Variants in PTBP1 observed in about 807,000 individuals in gnomAD.
PTBP1 encodes polypyrimidine tract binding protein 1.
Under a neutral mutation model 59.8 loss-of-function variants are expected in PTBP1, and 8 were observed. The observed-to-expected ratio is 0.13, with a 90% confidence interval of 0.08 to 0.24. The LOEUF (loss-of-function observed/expected upper bound fraction) is 0.24. Ranked by LOEUF, PTBP1 falls within the 10% of genes least tolerant of loss-of-function variation. The pLI is 1.00. For missense variants in PTBP1, 686 were observed against 767.0 expected (o/e 0.89, Z 1.25); for synonymous variants, 490 against 320.7 (o/e 1.53, Z -5.64).
chr19:798,098 C>T (rs1365237729), intron 1 of PTBP1, among the ~76,000 whole-genome samples: 3 of 151,814 alleles, frequency 2.0e-5, no homozygotes, highest in Admixed American at 6.6e-5. Context: ...CCCGCCCTAC[C>T]CCTGCCCCCC....
intron 13 of PTBP1, among the ~76,000 whole-genome samples, chr19:809,041 C>G (rs568813183): frequency 6.6e-6 from 1 of 152,156 alleles, no homozygotes; most frequent in Non-Finnish European, 1.5e-5. Context: ...CGAAGTCTTG[C>G]TTTGTCACCC....
Position 805,165 on chromosome 19 carries a change from C to T in PTBP1, c.870C>T (p.Asp290=), listed in dbSNP as rs766217559. The T allele has an allele frequency of 6.2e-7, 1 of 1,613,586 alleles. No homozygotes were observed. Among genetic ancestry groups the T allele is most frequent in the Non-Finnish European group, 8.5e-7 (1 of 1,179,858 alleles). ...CCGGGGACAGCCAGCCCTCGCTGGA[C>T]CAGACCATGGCCGCGGCCTTCGGTA... is the stretch of plus-strand genomic sequence containing the variant. The part of the protein sequence containing the change: ...LPSGDSQPSL[D]QTMAAAFGAP... The change falls in exon 8 of 15, where the codon GAC becomes GAT. Residue 290 remains aspartate (D), a synonymous_variant. Coordinates refer to ENST00000356948, the MANE Select transcript of PTBP1 (RefSeq NM_002819.5).
At position 798,914 on chromosome 19, in the gene PTBP1, C is replaced by G. The variant is rs906752500; in HGVS notation, c.9-499C>G. ...TTTTATTGACGGTTTCCACGGCCGCCTCCTGCTCTCCTCGGTGGATCGGGC... is the reference window on the plus strand; with the variant it reads ...TTTTATTGACGGTTTCCACGGCCGCGTCCTGCTCTCCTCGGTGGATCGGGC... On this transcript the variant is annotated intron_variant, in intron 1 of 14. Transcript: ENST00000356948. 2.0e-5 allele frequency among the ~76,000 whole-genome samples: 3 copies of G among 152,254 alleles called. No homozygotes were observed. The South Asian group carries it at 6.2e-4, about 31-fold the overall frequency.
intron 10 of PTBP1, 198 bp from the exon 11 acceptor site, chr19:807,671 A>T: frequency 2.0e-6 from 1 of 509,102 alleles, no homozygotes; most frequent in Non-Finnish European, 3.5e-6. Context: ...AACAAATAAA[A>T]AACAAAAATT....
intron 3 of PTBP1, 95 bp from the exon 4 acceptor site, chr19:803,941 C>A: frequency 6.8e-7 from 1 of 1,462,168 alleles, no homozygotes; most frequent in Non-Finnish European, 9.4e-7. Flanking sequence ...CAGGGTTGGT[C>A]TCCGTAGCAG....
intron 3 of PTBP1, 42 bp downstream of exon 3, chr19:803,678 T>C: frequency 6.5e-7 from 1 of 1,540,412 alleles, no homozygotes. Flanking sequence ...CGTGGGTGTC[T>C]TTCCCTGGAA....
chr19:806,296 C>A (rs1231612784), intron 9 of PTBP1, 112 bp from the exon 10 acceptor site: 1 of 1,250,610 alleles, frequency 8.0e-7, no homozygotes, highest in African/African-American at 1.6e-5. Context: ...GAGCCAGGGC[C>A]GCCTCCCGCG....
intron 1 of PTBP1, 73 bp from the exon 2 acceptor site, chr19:799,340 C>T (rs1368449455): frequency 1.4e-6 from 2 of 1,444,872 alleles, no homozygotes; most frequent in Admixed American, 1.7e-5. Flanking sequence ...CTCTCCTGGC[C>T]CGGGGACAGC....
rs372331400 is a variant in PTBP1, at chr19:804,888, C to T, written c.666C>T (p.Phe222=). The part of the protein sequence containing the change: ...KIITFTKNNQ[F]QALLQYADPV... The stretch of plus-strand genomic sequence containing the variant: ...TCACCTTCACCAAGAACAACCAGTT[C>T]CAGGCCCTGCTGCAGTATGCGGACC... Residue 222 remains phenylalanine (F), a synonymous_variant, in exon 7 of 15, where the codon TTC becomes TTT. Coordinates refer to ENST00000356948, the MANE Select transcript of PTBP1 (RefSeq NM_002819.5). 6.2e-7 allele frequency: 1 copy of T among 1,613,996 alleles called. No homozygotes were observed. Among genetic ancestry groups the T allele is most frequent in the Non-Finnish European group, 8.5e-7 (1 of 1,179,916 alleles).
intron 1 of PTBP1, among the ~76,000 whole-genome samples, chr19:797,803 TG>T (rs1428719300): frequency 6.8e-6 from 1 of 148,078 alleles, no homozygotes; most frequent in African/African-American, 2.4e-5. Context: ...ACTTCGCCTT[TG>T]CCCCGCCTCG....
chr19:802,221 G>A (rs1255298671), intron 2 of PTBP1, among the ~76,000 whole-genome samples: 2 of 152,216 alleles, frequency 1.3e-5, no homozygotes, highest in African/African-American at 4.8e-5. Context: ...GGCTCTTGCC[G>A]TCCGCGTCGG....
chr19:808,089 C>A lies in PTBP1; in HGVS notation c.1153+187C>A. The stretch of plus-strand genomic sequence containing the variant: ...AGATACGTACGCATGGTTTATCGCC[C>A]TGCATGCTTTTCAGAGTTAGACCTG... On this transcript the variant is annotated intron_variant, in intron 11 of 14. Coordinates refer to ENST00000356948, the MANE Select transcript of PTBP1 (RefSeq NM_002819.5). The surrounding 1 kb of genome is among the most constrained non-coding windows in gnomAD (Gnocchi z 4.7). 1.5e-6 allele frequency: 1 copy of A among 653,352 alleles called. No individual in the cohort carries two copies. Among genetic ancestry groups the A allele is most frequent in the Non-Finnish European group, 2.7e-6 (1 of 367,058 alleles). The allele number at this position is 653,352 out of a possible 1,614,324, so 40.5% of individuals were successfully genotyped here.
intron 1 of PTBP1, 52 bp downstream of exon 1, chr19:797,557 GC>G (rs1465470371): frequency 1.5e-5 from 20 of 1,308,680 alleles, no homozygotes; most frequent in Non-Finnish European, 1.8e-5. Flanking sequence ...CCGCAGCCCT[GC>G]CCCCGCCGCC....
rs749065324 is a variant in PTBP1 at position 808,578 on chromosome 19, G to A, written c.1279G>A (p.Gly427Arg). 1.9e-6 allele frequency: 3 copies of A among 1,603,098 alleles called. No individual in the cohort carries two copies. The highest frequency in any genetic ancestry group is 1.7e-6 in the Non-Finnish European group (2 of 1,176,586). The change falls in exon 13 of 15, where the codon GGG (glycine) becomes AGG (arginine). Residue 427 changes from glycine to arginine, a missense_variant. Coordinates refer to ENST00000356948, the MANE Select transcript of PTBP1 (RefSeq NM_002819.5). The surrounding 1 kb of genome is among the most constrained non-coding windows in gnomAD (Gnocchi z 4.7). ...MSHLNGHKLH[G>R]KPIRITLSKH... ...CCACCTGAACGGGCACAAGCTGCAC[G>A]GGAAGCCCATCCGCATCACGCTCTC... is the stretch of plus-strand genomic sequence containing the variant.
chr19:808,428 G>T lies in PTBP1; in HGVS notation c.1222G>T (p.Ala408Ser), dbSNP rs775085447. Residue 408 changes from alanine to serine, a missense_variant, in exon 12 of 15, where the codon GCG (alanine) becomes TCG (serine). Transcript: ENST00000356948. This position sits in a 1 kb window ranked among gnomAD's most constrained non-coding sequence, Gnocchi z 4.7. Reference sequence around the variant, plus strand: ...GAAGGAGAACGCCCTAGTGCAGATGGCGGACGGCAACCAGGCCCAGCTGGG... The same window carrying T: ...GAAGGAGAACGCCCTAGTGCAGATGTCGGACGGCAACCAGGCCCAGCTGGG... ...NKKENALVQM[A>S]DGNQAQLAMS... 6.2e-6 allele frequency: 10 copies of T among 1,606,378 alleles called. No individual in the cohort carries two copies. The highest frequency in any genetic ancestry group is 2.5e-6 in the Non-Finnish European group (3 of 1,177,670).
intron 10 of PTBP1, 111 bp from the exon 11 acceptor site, chr19:807,758 C>T: frequency 1.3e-6 from 1 of 790,198 alleles, no homozygotes; most frequent in Non-Finnish European, 2.2e-6. Flanking sequence ...ATCCATCAAC[C>T]ACTGCACGCC....
chr19:798,646 C>G (rs1436444028), intron 1 of PTBP1: 1 of 152,206 alleles, frequency 6.6e-6, no homozygotes, highest in Non-Finnish European at 1.5e-5. Flanking sequence ...GCAGGAGGCC[C>G]GGAGGCTGCC....
At chr19:803,468 C>A in intron 2 of PTBP1, 93 bp from the exon 3 acceptor site, 3 of 1,084,284 alleles carry the variant, frequency 2.8e-6, no homozygotes, top group Non-Finnish European at 4.2e-6. Context: ...TCTGGGACCC[C>A]AGGCAGCCCA....
intron 13 of PTBP1, among the ~76,000 whole-genome samples, chr19:810,279 C>T (rs1414898357): frequency 6.6e-6 from 1 of 152,034 alleles, no homozygotes; most frequent in Non-Finnish European, 1.5e-5. Context: ...GTGCTCCCGC[C>T]TGGGCGACAG....
Sources: gnomAD v4.1 joint callset for allele counts (sites outside exome capture counted in the v4.1 genomes callset) on GRCh38, gnomAD v4.1.1 for gene constraint, Gnocchi (gnomAD v3.1) non-coding constraint, MANE v1.5 for transcripts, NCBI Gene and HGNC (gene_info 2026-07-23, HGNC 2026-07-21) for gene names.